SASH1: variants seen among roughly 807,000 people sequenced by gnomAD.
SASH1 encodes SAM and SH3 domain-containing protein 1.
Under a neutral mutation model 125.2 loss-of-function variants are expected in SASH1, and 44 were observed. The observed-to-expected ratio is 0.35, with a 90% CI of 0.28 to 0.45. The LOEUF is 0.45. Among genes scored for constraint, SASH1 ranks in the 20% least tolerant of loss-of-function variants. SASH1 has a pLI of 1.00. For missense variants in SASH1, 1,426 were observed against 1,614.5 expected, an observed-to-expected ratio of 0.88 and a Z score of 2.00; for synonymous variants, 639 against 649.1, an observed-to-expected ratio of 0.98 and a Z score of 0.24.
intron 1 of SASH1, among the ~76,000 whole-genome samples, chr6:148,274,289 C>A (rs1010424730): frequency 2.6e-5 from 4 of 152,166 alleles, no homozygotes; most frequent in African/African-American, 9.7e-5. Flanking sequence ...AGAACAAAGC[C>A]TCCTCTTGTT....
At chr6:148,243,463 A>AATAATG in the SASH1 span, among the ~76,000 whole-genome samples, 1 of 144,308 alleles carries the variant, frequency 6.9e-6, no homozygotes, top group Non-Finnish European at 1.5e-5. Context: ...TAATAATAAT[A>AATAATG]ATAATAATAA....
At chr6:148,257,330 T>C in the SASH1 span, among the ~76,000 whole-genome samples, 1 of 152,172 alleles carries the variant, frequency 6.6e-6, no homozygotes, top group African/African-American at 2.4e-5. Flanking sequence ...CTGAGTCACA[T>C]AGGGTTGGCC....
chr6:148,382,939 G>A (rs757226513), intron 1 of SASH1, among the ~76,000 whole-genome samples: 26 of 152,184 alleles, frequency 1.7e-4, no homozygotes, highest in Non-Finnish European at 3.2e-4. Context: ...GGCATATGTC[G>A]TTACACGTTA....
At chr6:148,222,475 C>T in the SASH1 span, among the ~76,000 whole-genome samples, 1 of 152,070 alleles carries the variant, frequency 6.6e-6, no homozygotes. Context: ...CATTCAATGC[C>T]CTGTGCACTT....
At chr6:148,200,929 TTCC>T in the SASH1 span, among the ~76,000 whole-genome samples, 1 of 152,336 alleles carries the variant, frequency 6.6e-6, no homozygotes, top group South Asian at 2.1e-4. Flanking sequence ...GGAAACTTTC[TTCC>T]TCCTCCTCAA....
upstream of SASH1, among the ~76,000 whole-genome samples, chr6:148,341,144 T>C (rs1044145149): frequency 1.3e-5 from 2 of 151,946 alleles, no homozygotes; most frequent in Non-Finnish European, 2.9e-5. Context: ...AAAAAATTTT[T>C]CAGCATACTT....
the SASH1 span, among the ~76,000 whole-genome samples, chr6:148,266,548 G>C: frequency 6.6e-6 from 1 of 152,152 alleles, no homozygotes; most frequent in African/African-American, 2.4e-5. Context: ...TCCTACTGCT[G>C]TTGTATTATT....
Position 148,370,599 on chromosome 6 carries a change from A to AGGG in SASH1, c.157-19534_157-19533insGGG, listed in dbSNP as rs1384625758. 7.9e-5 allele frequency among the ~76,000 whole-genome samples: 12 copies of AGGG among 152,214 alleles called. No individual in the cohort carries two copies. The South Asian group carries it at 2.3e-3, about 29-fold the overall frequency. ...AGCACTTTGGGAAGCCAAGGTGGGC[A>AGGG]GATCACGAGGTCAGGAGATCGAGAC... On this transcript the variant is annotated intron_variant, in intron 1 of 19. Transcript: ENST00000367467.
At chr6:148,513,972 A>G (rs1218905567) in intron 8 of SASH1, 1 of 1,004,990 alleles carries the variant, frequency 1.0e-6, no homozygotes, top group Non-Finnish European at 1.2e-6. Flanking sequence ...CCCAAACCAC[A>G]GCAGTGAAAC....
intron 1 of SASH1, among the ~76,000 whole-genome samples, chr6:148,329,725 AGGGGC>A (rs1780935562): frequency 1.3e-5 from 2 of 152,202 alleles, no homozygotes; most frequent in African/African-American, 4.8e-5. Context: ...CTTCAACAAC[AGGGGC>A]GAGTCCCTAT....
At chr6:148,213,752 C>G in the SASH1 span, among the ~76,000 whole-genome samples, 1 of 152,066 alleles carries the variant, frequency 6.6e-6, no homozygotes, top group Admixed American at 6.6e-5. Context: ...TGCTTGGAGA[C>G]TTCGGATCTC....
intron 2 of SASH1, among the ~76,000 whole-genome samples, chr6:148,404,055 T>C (rs1784280322): frequency 6.6e-6 from 1 of 152,184 alleles, no homozygotes; most frequent in Non-Finnish European, 1.5e-5. Context: ...AGGTGACAAA[T>C]AAATTTTTGT....
At chr6:148,499,685 A>G (rs961341718) in intron 8 of SASH1, among the ~76,000 whole-genome samples, 1 of 152,138 alleles carries the variant, frequency 6.6e-6, no homozygotes, top group Non-Finnish European at 1.5e-5. Flanking sequence ...AGAAGGAGAA[A>G]TGTGTGTCAG....
At chr6:148,545,751 T>C (rs1782518431) in intron 18 of SASH1, among the ~76,000 whole-genome samples, 1 of 152,256 alleles carries the variant, frequency 6.6e-6, no homozygotes, top group Admixed American at 6.5e-5. Context: ...GCATTCATCC[T>C]GACCAATAAA....
At chr6:148,385,945 A>C (rs147912091) in intron 1 of SASH1, among the ~76,000 whole-genome samples, 1 of 152,206 alleles carries the variant, frequency 6.6e-6, no homozygotes, top group Admixed American at 6.5e-5. Context: ...ATTGAGCCCC[A>C]AAAGGGGGTC....
At chr6:148,528,337 T>G (rs1425321471) in intron 12 of SASH1, among the ~76,000 whole-genome samples, 1 of 152,226 alleles carries the variant, frequency 6.6e-6, no homozygotes, top group African/African-American at 2.4e-5. Flanking sequence ...GCACTCATTT[T>G]GTAGCCTGTT....
chr6:148,269,527 T>A (rs1779014547), upstream of SASH1, among the ~76,000 whole-genome samples: 1 of 152,204 alleles, frequency 6.6e-6, no homozygotes, highest in Admixed American at 6.5e-5. Flanking sequence ...GCTGGGATTA[T>A]AGGTGTGAGC....
At position 148,548,458 on chromosome 6, in the gene SASH1, C is replaced by A. The variant is rs777658890; in HGVS notation, c.3644C>A (p.Thr1215Asn). 11 of 1,614,248 alleles carry A rather than the reference C, an allele frequency of 6.8e-6. No homozygotes were observed. The highest frequency in any genetic ancestry group is 8.5e-6 in the Non-Finnish European group (10 of 1,180,044). The change falls in exon 20 of 20, where the codon ACT becomes AAT. Residue 1215 changes from threonine to asparagine, a missense_variant. Thr to Asn is a moderately conservative substitution (Grantham distance 65). Transcript: ENST00000367467. ...TLSQVPSLSH[T>N]CLQEAGITEE... Reference sequence around the variant, plus strand: ...AGCCAAGTGCCTTCTCTGTCTCACACTTGCCTTCAGGAGGCCGGCATCACA... The same window carrying A: ...AGCCAAGTGCCTTCTCTGTCTCACAATTGCCTTCAGGAGGCCGGCATCACA...
At chr6:148,336,165 G>T (rs1014270066) in intron 1 of SASH1, among the ~76,000 whole-genome samples, 12 of 139,490 alleles carry the variant, frequency 8.6e-5, no homozygotes, top group Non-Finnish European at 1.5e-4. Context: ...TTTCTATTAT[G>T]AAACTGCATC....
Sources: allele counts gnomAD v4.1 joint callset (sites outside exome capture counted in the v4.1 genomes callset), GRCh38; gene constraint gnomAD v4.1.1; transcripts MANE v1.5; gene names NCBI Gene and HGNC (gene_info 2026-07-23, HGNC 2026-07-21).